The following CA7 variants were observed in gnomAD, a reference collection of about 807,000 sequenced individuals.
The protein encoded by CA7 is carbonic anhydrase 7.
Under a neutral mutation model 31.4 loss-of-function variants are expected in CA7, and 13 were observed. That is an observed-to-expected ratio of 0.41 (90% CI 0.27 to 0.66). The LOEUF (loss-of-function observed/expected upper bound fraction) is 0.66, where lower values mean the gene tolerates loss of function less well. CA7 is among the 30% of genes least tolerant of loss of function. The pLI, the probability that CA7 is intolerant of heterozygous loss-of-function variation, is 0.28. For synonymous variants in CA7, 128 were observed against 133.2 expected (o/e 0.96, Z 0.27); for missense variants, 215 against 351.0 (o/e 0.61, Z 3.10).
intron 2 of CA7, among the ~76,000 whole-genome samples, chr16:66,848,874 C>T (rs1359737467): frequency 1.3e-5 from 2 of 152,154 alleles, no homozygotes; most frequent in Non-Finnish European, 2.9e-5. Context: ...CAGGCTCAGC[C>T]GCTCCTGCTT....
chr16:66,851,589 G>C (rs775864644), intron 4 of CA7, 31 bp downstream of exon 4: 1 of 1,612,736 alleles, frequency 6.2e-7, no homozygotes, highest in East Asian at 2.2e-5. Context: ...GCCTGGAGGG[G>C]CATGGGAGGC....
chr16:66,852,036 A>T (rs1000770514), intron 5 of CA7, among the ~76,000 whole-genome samples: 2 of 152,204 alleles, frequency 1.3e-5, no homozygotes, highest in Non-Finnish European at 2.9e-5. Flanking sequence ...TACCTCCAGG[A>T]GCCACAGCTT....
chr16:66,846,884 G>T, intron 1 of CA7, 146 bp from the exon 2 acceptor site: 1 of 652,702 alleles, frequency 1.5e-6, no homozygotes. Flanking sequence ...TGGCAAAGCT[G>T]GGATTGGAAC....
rs141759681 is a variant in CA7, at chr16:66,847,441, A to G, written c.238+214A>G. 4.6e-5 allele frequency among the ~76,000 whole-genome samples: 7 copies of G among 152,274 alleles called. No homozygotes were observed. In the East Asian group the frequency reaches 1.4e-3, roughly 29 times the overall value. ...GGTCATAGAGGGGAAAAATGAAAAA[A>G]CCAAGTAAGGTCGATAGATCTGGCA... On this transcript the variant is annotated intron_variant, in intron 2 of 6. Coordinates refer to ENST00000338437, the MANE Select transcript of CA7 (RefSeq NM_005182.3).
chr16:66,853,545 G>A lies in CA7; in HGVS notation c.*47G>A. On this transcript the variant is annotated 3_prime_UTR_variant, in exon 7 of 7. Coordinates refer to ENST00000338437, the MANE Select transcript of CA7 (RefSeq NM_005182.3). This position sits in a 1 kb window ranked among gnomAD's most constrained non-coding sequence, Gnocchi z 4.5. ...CCACTAGGGCACCATCTTCTCAAGG[G>A]CTTCCATGTCAGCAGACACCAAACC... 1 of 1,607,994 alleles carries A rather than the reference G, an allele frequency of 6.2e-7. No individual in the cohort carries two copies. Among genetic ancestry groups the A allele is most frequent in the Non-Finnish European group, 8.5e-7 (1 of 1,177,932 alleles).
In CA7 at chr16:66,850,646, C is replaced by A. The variant is rs917035271; in HGVS notation, c.344C>A (p.Ser115Tyr). The change falls in exon 3 of 7, where the codon TCC becomes TAC. Residue 115 changes from serine to tyrosine, a missense_variant. Ser to Tyr is a moderately radical substitution (Grantham distance 144). Transcript: ENST00000338437. Reference protein sequence around the residue: ...VGSEHTVDGKSFPSELHLVHW... With the variant: ...VGSEHTVDGKYFPSELHLVHW... ...TCTGAGCACACGGTGGACGGCAAGTCCTTCCCCAGCGAGGTACGGGCCCTC... is the reference window on the plus strand; with the variant it reads ...TCTGAGCACACGGTGGACGGCAAGTACTTCCCCAGCGAGGTACGGGCCCTC... 1.9e-6 allele frequency: 3 copies of A among 1,611,114 alleles called. No individual in the cohort carries two copies. Among genetic ancestry groups the A allele is most frequent in the Non-Finnish European group, 2.5e-6 (3 of 1,177,258 alleles).
chr16:66,844,665 C>T (rs1960885686), intron 1 of CA7, 138 bp downstream of exon 1: 3 of 709,132 alleles, frequency 4.2e-6, no homozygotes, highest in African/African-American at 3.7e-5. Flanking sequence ...CTTCCCATCC[C>T]GGCCCCCGAA....
In CA7 at chr16:66,853,871, G is replaced by C. The variant is rs1961118519; in HGVS notation, c.*373G>C. 4.8e-6 allele frequency: 1 copy of C among 209,242 alleles called. No homozygotes were observed. The highest frequency in any genetic ancestry group is 2.3e-5 in the African/African-American group (1 of 44,092). 13.0% of individuals were successfully genotyped at this position (209,242 alleles called of 1,614,324 possible). A position where few individuals can be genotyped will look rare whatever the true frequency, so the allele number is the denominator to read the frequency against. ...GGGGCGGGCAGCTGACACTACCAGAGAGACTCAAGCAATAATTAGAGGTGG... is the reference window on the plus strand; with the variant it reads ...GGGGCGGGCAGCTGACACTACCAGACAGACTCAAGCAATAATTAGAGGTGG... On this transcript the variant is annotated 3_prime_UTR_variant, in exon 7 of 7. Coordinates refer to ENST00000338437, the MANE Select transcript of CA7 (RefSeq NM_005182.3). The surrounding 1 kb of genome is among the most constrained non-coding windows in gnomAD (Gnocchi z 4.5).
At chr16:66,844,730 G>C (rs1300969478) in intron 1 of CA7, among the ~76,000 whole-genome samples, 2 of 152,230 alleles carry the variant, frequency 1.3e-5, no homozygotes, top group Non-Finnish European at 2.9e-5. Flanking sequence ...CTGCGCCCCG[G>C]GTGGCCCCGC....
chr16:66,846,442 G>A (rs1960930969), intron 1 of CA7, among the ~76,000 whole-genome samples: 1 of 152,174 alleles, frequency 6.6e-6, no homozygotes, highest in Admixed American at 6.5e-5. Context: ...GAGGGCAGCT[G>A]GGGGCAGTGC....
At chr16:66,847,993 G>T (rs1356989774) in intron 2 of CA7, among the ~76,000 whole-genome samples, 4 of 152,198 alleles carry the variant, frequency 2.6e-5, no homozygotes, top group Non-Finnish European at 5.9e-5. Flanking sequence ...ATGGGGCGAG[G>T]AAGAAACCTA....
At chr16:66,845,428 A>G (rs918176944) in intron 1 of CA7, among the ~76,000 whole-genome samples, 1 of 152,070 alleles carries the variant, frequency 6.6e-6, no homozygotes, top group Non-Finnish European at 1.5e-5. Flanking sequence ...CTCTGCGGAG[A>G]GGCAGTCACT....
chr16:66,852,480 AAAAG>A (rs750074053), intron 5 of CA7, among the ~76,000 whole-genome samples: 15 of 151,334 alleles, frequency 9.9e-5, no homozygotes, highest in East Asian at 1.9e-4. Context: ...AAGAAAAAGA[AAAAG>A]AAAGAAAGAA....
intron 1 of CA7, among the ~76,000 whole-genome samples, chr16:66,845,800 G>T (rs1412147271): frequency 6.6e-6 from 1 of 152,160 alleles, no homozygotes; most frequent in Non-Finnish European, 1.5e-5. Flanking sequence ...CCAGTGTCCT[G>T]TGTAGCCTGC....
chr16:66,845,043 G>A, intron 1 of CA7: 1 of 986,274 alleles, frequency 1.0e-6, no homozygotes, highest in Non-Finnish European at 1.2e-6. Flanking sequence ...CGGCCGGTAC[G>A]TGAGGGAAGG....
At chr16:66,852,592 AAAAAG>A (rs1382292793) in intron 5 of CA7, 115 bp from the exon 6 acceptor site, 78 of 553,364 alleles carry the variant, frequency 1.4e-4, no homozygotes, top group Non-Finnish European at 1.8e-4. Context: ...AAAAGAAAAA[AAAAAG>A]AAAAGAAAAG....
chr16:66,853,445 C>T lies in CA7; in HGVS notation c.742C>T (p.Arg248Trp), dbSNP rs1457164702. 1.9e-6 allele frequency: 3 copies of T among 1,614,162 alleles called. No homozygotes were observed. Among genetic ancestry groups the T allele is most frequent in the South Asian group, 1.1e-5 (1 of 91,080 alleles). Residue 248 changes from arginine (R) to tryptophan (W), a missense_variant, in exon 7 of 7, where the codon CGG becomes TGG. Transcript: ENST00000338437. The surrounding 1 kb of genome is among the most constrained non-coding windows in gnomAD (Gnocchi z 4.5). Reference protein sequence around the residue: ...DERIHMVNNFRPPQPLKGRVV... With the variant: ...DERIHMVNNFWPPQPLKGRVV... ...GAGGATCCACATGGTGAACAACTTCCGGCCACCACAGCCACTGAAGGGCCG... is the reference window on the plus strand; with the variant it reads ...GAGGATCCACATGGTGAACAACTTCTGGCCACCACAGCCACTGAAGGGCCG...
intron 1 of CA7, chr16:66,845,036 CCGGTA>C (rs1215859116): frequency 6.1e-6 from 6 of 986,400 alleles, no homozygotes; most frequent in African/African-American, 1.7e-5. Flanking sequence ...GCCTTCTCGG[CCGGTA>C]CGTGAGGGAA....
At chr16:66,849,255 C>A (rs1385375696) in intron 2 of CA7, among the ~76,000 whole-genome samples, 1 of 152,088 alleles carries the variant, frequency 6.6e-6, no homozygotes, top group Non-Finnish European at 1.5e-5. Flanking sequence ...CAAGTGGGGC[C>A]CTCAGAAGAG....
Sources: gnomAD v4.1 joint callset for allele counts (sites outside exome capture counted in the v4.1 genomes callset) on GRCh38, gnomAD v4.1.1 for gene constraint, Gnocchi (gnomAD v3.1) non-coding constraint, MANE v1.5 for transcripts, NCBI Gene and HGNC (gene_info 2026-07-23, HGNC 2026-07-21) for gene names.